The following AGBL4 variants were observed in gnomAD, a reference collection of about 807,000 sequenced individuals.
AGBL4 encodes cytosolic carboxypeptidase 6.
Under a neutral mutation model 66.4 loss-of-function variants are expected in AGBL4, and 58 were observed. The observed-to-expected ratio is 0.87, with a 90% CI of 0.71 to 1.09. The LOEUF is 1.09. Among genes scored for constraint, AGBL4 ranks in the 50% least tolerant of loss-of-function variants. AGBL4 has a pLI of 0.00. For synonymous variants in AGBL4, 234 were observed against 222.9 expected, an observed-to-expected ratio of 1.05 and a Z score of -0.44; for missense variants, 579 against 631.0, an observed-to-expected ratio of 0.92 and a Z score of 0.88.
At chr1:48,982,683 G>A (rs3122295) in intron 5 of AGBL4, among the ~76,000 whole-genome samples, 78,733 of 151,844 alleles carry the variant, frequency 0.52, 20,847 homozygotes, top group Non-Finnish European at 0.58. Flanking sequence ...TGTTTTTATA[G>A]CAGCACCATT....
chr1:48,575,658 T>G (rs1292057100), intron 11 of AGBL4, among the ~76,000 whole-genome samples: 1 of 152,204 alleles, frequency 6.6e-6, no homozygotes, highest in Admixed American at 6.5e-5. Context: ...TGCAGAGCAC[T>G]TTGCTCCCTT....
chr1:49,948,822 G>A (rs572006702), intron 1 of AGBL4, among the ~76,000 whole-genome samples: 17 of 150,914 alleles, frequency 1.1e-4, no homozygotes, highest in African/African-American at 3.4e-4. Flanking sequence ...CATTTTTCAC[G>A]GAACTAGAAA....
intron 5 of AGBL4, among the ~76,000 whole-genome samples, chr1:48,942,241 A>G (rs2148916510): frequency 1.3e-5 from 2 of 151,978 alleles, no homozygotes; most frequent in South Asian, 4.2e-4. Context: ...GGCCTACTGA[A>G]GGACTCTCTG....
At chr1:49,944,483 C>G (rs1300420864) in intron 1 of AGBL4, among the ~76,000 whole-genome samples, 1 of 152,076 alleles carries the variant, frequency 6.6e-6, no homozygotes, top group Non-Finnish European at 1.5e-5. Flanking sequence ...GCTCAGGCCT[C>G]AGGAAACCAC....
chr1:49,183,937 T>A (rs1646971923), intron 4 of AGBL4, among the ~76,000 whole-genome samples: 1 of 152,142 alleles, frequency 6.6e-6, no homozygotes, highest in East Asian at 1.9e-4. Flanking sequence ...AACATTAAAA[T>A]ATAGACTATC....
chr1:48,627,780 G>A (rs1645529837), intron 9 of AGBL4, among the ~76,000 whole-genome samples: 1 of 152,104 alleles, frequency 6.6e-6, no homozygotes, highest in African/African-American at 2.4e-5. Flanking sequence ...AATCACCTCG[G>A]AGTGTACAAA....
intron 4 of AGBL4, among the ~76,000 whole-genome samples, chr1:49,168,823 T>C (rs1409195294): frequency 6.6e-6 from 1 of 152,210 alleles, no homozygotes; most frequent in African/African-American, 2.4e-5. Context: ...ACTGGTTGCA[T>C]ACCATCCATC....
At chr1:48,544,544 C>G (rs893671460) in intron 11 of AGBL4, among the ~76,000 whole-genome samples, 1 of 152,168 alleles carries the variant, frequency 6.6e-6, no homozygotes, top group Non-Finnish European at 1.5e-5. Context: ...TTACTCTTCC[C>G]TTGAATTTGG....
At position 49,483,746 on chromosome 1, in the gene AGBL4, T is replaced by C. The variant is rs1186298273; in HGVS notation, c.282+213567A>G. Among the ~76,000 whole-genome samples, 5 of 151,610 alleles carry C rather than the reference T, an allele frequency of 3.3e-5. No homozygotes were observed. In the East Asian group the frequency reaches 7.8e-4, roughly 24 times the overall value. ...GGCAACCAAAGTAAACATGGCCCAATGAAATCCCATCATGTTAAAAAAAAA... is the reference window on the plus strand; with the variant it reads ...GGCAACCAAAGTAAACATGGCCCAACGAAATCCCATCATGTTAAAAAAAAA... On this transcript the variant is annotated intron_variant, in intron 3 of 13. Transcript: ENST00000371839.
chr1:48,997,985 T>C (rs966325906), intron 5 of AGBL4, among the ~76,000 whole-genome samples: 7 of 152,232 alleles, frequency 4.6e-5, no homozygotes, highest in Admixed American at 4.6e-4. Flanking sequence ...TTTAAGATGA[T>C]GGTGAATACA....
chr1:48,780,862 G>A (rs2148718231), intron 6 of AGBL4, among the ~76,000 whole-genome samples: 1 of 152,268 alleles, frequency 6.6e-6, no homozygotes, highest in East Asian at 1.9e-4. Context: ...CAGGACATAG[G>A]CATGGGCAAA....
chr1:49,212,950 TA>T (rs1462839230), intron 4 of AGBL4, among the ~76,000 whole-genome samples: 1 of 152,162 alleles, frequency 6.6e-6, no homozygotes. Context: ...CATTTATTTT[TA>T]TTTATTATTG....
At chr1:49,845,503 G>A (rs1646117198) in intron 2 of AGBL4, 1 of 1,576,256 alleles carries the variant, frequency 6.3e-7, no homozygotes, top group Non-Finnish European at 8.7e-7. Context: ...CTATCAGTGT[G>A]GTGAGTGTGG....
chr1:48,800,395 C>G (rs532857124), intron 6 of AGBL4, among the ~76,000 whole-genome samples: 2 of 152,204 alleles, frequency 1.3e-5, no homozygotes, highest in Admixed American at 6.5e-5. Context: ...CTGTTCTTTC[C>G]TTGGTTAATC....
chr1:49,143,967 C>A (rs1342728352), intron 4 of AGBL4, among the ~76,000 whole-genome samples: 1 of 152,188 alleles, frequency 6.6e-6, no homozygotes. Flanking sequence ...AAAAGCAAGA[C>A]CATTCACAGT....
chr1:49,540,606 A>G (rs1340981753), intron 3 of AGBL4, among the ~76,000 whole-genome samples: 1 of 152,196 alleles, frequency 6.6e-6, no homozygotes, highest in Non-Finnish European at 1.5e-5. Context: ...AAAAGGATGT[A>G]TACTATATGG....
chr1:49,953,557 G>T (rs1016938708), intron 1 of AGBL4, among the ~76,000 whole-genome samples: 2 of 151,872 alleles, frequency 1.3e-5, no homozygotes, highest in Non-Finnish European at 2.9e-5. Context: ...AGTACAGGTT[G>T]AGCACGCTTA....
At chr1:49,783,741 T>C (rs981927107) in intron 2 of AGBL4, among the ~76,000 whole-genome samples, 1 of 152,052 alleles carries the variant, frequency 6.6e-6, no homozygotes, top group African/African-American at 2.4e-5. Flanking sequence ...CATGATACTA[T>C]ATATAGAAAA....
intron 4 of AGBL4, among the ~76,000 whole-genome samples, chr1:49,067,003 A>G (rs903359732): frequency 6.6e-6 from 1 of 152,216 alleles, no homozygotes; most frequent in Non-Finnish European, 1.5e-5. Context: ...TTCTGAGATG[A>G]ACAAAACACA....
Sources: gnomAD v4.1 joint callset for allele counts (sites outside exome capture counted in the v4.1 genomes callset) on GRCh38, gnomAD v4.1.1 for gene constraint, MANE v1.5 for transcripts, NCBI Gene and HGNC (gene_info 2026-07-23, HGNC 2026-07-21) for gene names.